TMED3: variants seen among roughly 807,000 people sequenced by gnomAD.
The protein encoded by TMED3 is transmembrane emp24 domain-containing protein 3.
In TMED3, 9 loss-of-function variants were observed where a neutral mutation model predicts 15.0. The ratio of observed to expected loss-of-function variants is 0.60; its 90% CI spans 0.36 to 1.04. The LOEUF is 1.04. TMED3 is among the 50% of genes least tolerant of loss of function. The probability of loss-of-function intolerance (pLI) is 0.01; values close to 1 mark genes in which losing one functional copy is unlikely to be tolerated. For missense variants in TMED3, 267 were observed against 278.9 expected (o/e 0.96, Z 0.30); for synonymous variants, 117 against 121.4 (o/e 0.96, Z 0.24).
Position 79,322,140 on chromosome 15 carries a change from A to G in TMED3, c.580A>G (p.Ser194Gly). ...VGETIALFVVSFSQVLLLKSF... is the reference protein window; with the variant it reads ...VGETIALFVVGFSQVLLLKSF... ...CGAGACGATTGCCCTGTTCGTGGTC[A>G]GCTTCAGTCAGGTGCTACTGTTGAA... Residue 194 changes from serine (S) to glycine (G), a missense_variant, in exon 3 of 3, where the codon AGC becomes GGC. Ser to Gly is a moderately conservative substitution (Grantham distance 56). This residue lies in a region of TMED3 where 139 missense variants were observed against 125.0 expected (regional missense o/e 1.11). Coordinates refer to ENST00000299705, the MANE Select transcript of TMED3 (RefSeq NM_007364.4). The G allele has an allele frequency of 6.2e-7, 1 of 1,614,196 alleles. No homozygotes were observed. The highest frequency in any genetic ancestry group is 8.5e-7 in the Non-Finnish European group (1 of 1,180,036).
intron 2 of TMED3, among the ~76,000 whole-genome samples, chr15:79,318,429 A>T (rs899421332): frequency 2.0e-5 from 3 of 152,188 alleles, no homozygotes; most frequent in African/African-American, 7.2e-5. Context: ...GAGCTATTCA[A>T]ACTCAGCCAT....
intron 2 of TMED3, chr15:79,314,709 G>C: frequency 5.5e-6 from 2 of 365,598 alleles, no homozygotes; most frequent in Non-Finnish European, 1.1e-5. Flanking sequence ...GGCAAGTAGA[G>C]CCTTAGCAAC....
At chr15:79,357,142 C>T (rs991237681) in intron 2 of TMED3, among the ~76,000 whole-genome samples, 1 of 151,998 alleles carries the variant, frequency 6.6e-6, no homozygotes, top group African/African-American at 2.4e-5. Context: ...GCTAATACTT[C>T]TGGAGAAGAG....
intron 1 of TMED3, among the ~76,000 whole-genome samples, chr15:79,313,104 C>A (rs961829504): frequency 2.6e-5 from 4 of 152,144 alleles, no homozygotes; most frequent in African/African-American, 9.7e-5. Flanking sequence ...AAAGACATAT[C>A]CTCAGAGAAT....
chr15:79,380,665 GT>G lies in TMED3; in HGVS notation c.418-30734del, dbSNP rs201091352. On this transcript the variant is annotated intron_variant, in intron 2 of 2. Coordinates refer to the TMED3 transcript ENST00000424155. ...GTTTTCAGAGGACTCTCCCTCAAGA[GT>G]GCTGCTCTACTTGGCAATATTTGGG... 9.6e-3 allele frequency among the ~76,000 whole-genome samples: 1,456 copies of G among 151,454 alleles called. 19 individuals are homozygous for G. The highest frequency in any genetic ancestry group is 0.034 in the African/African-American group (1,392 of 41,232).
intron 2 of TMED3, among the ~76,000 whole-genome samples, chr15:79,403,254 T>A (rs932826442): frequency 1.4e-5 from 2 of 144,224 alleles, no homozygotes; most frequent in African/African-American, 5.2e-5. Flanking sequence ...AAAAAAGACT[T>A]GATTTGATAC....
At chr15:79,353,086 A>AAT (rs2058899607) in intron 2 of TMED3, among the ~76,000 whole-genome samples, 2 of 103,928 alleles carry the variant, frequency 1.9e-5, no homozygotes, top group Non-Finnish European at 3.5e-5. Flanking sequence ...TTATATATAA[A>AAT]ATATAAATGT....
intron 2 of TMED3, among the ~76,000 whole-genome samples, chr15:79,396,571 T>C (rs534876906): frequency 1.3e-5 from 2 of 152,336 alleles, no homozygotes; most frequent in South Asian, 4.1e-4. Flanking sequence ...CCCTCTGGGC[T>C]CCAGTGTAAG....
chr15:79,353,909 A>G (rs2058908259), intron 2 of TMED3, among the ~76,000 whole-genome samples: 1 of 152,150 alleles, frequency 6.6e-6, no homozygotes, highest in Non-Finnish European at 1.5e-5. Flanking sequence ...GGGAGAACCA[A>G]GTGACCCCAG....
rs868656321 is a variant in TMED3 at position 79,357,337 on chromosome 15, T to A, written c.417+43332T>A. On this transcript the variant is annotated intron_variant, in intron 2 of 2. Coordinates refer to the TMED3 transcript ENST00000424155. ...CCCATTTCTACAGAAAAAAAAAAAA[T>A]TGCCAAGCATGGCAGTGCATGCCTG... 2.0e-3 allele frequency among the ~76,000 whole-genome samples: 294 copies of A among 148,096 alleles called. 4 individuals are homozygous for A. The highest frequency in any genetic ancestry group is 6.9e-3 in the African/African-American group (277 of 40,244).
chr15:79,397,087 T>G (rs1893772069), intron 2 of TMED3, among the ~76,000 whole-genome samples: 1 of 152,210 alleles, frequency 6.6e-6, no homozygotes. Context: ...TGGTCAGGTT[T>G]TAAAACCATG....
chr15:79,311,161 C>CCT lies in TMED3; in HGVS notation c.-87_-86dup. 7.1e-7 allele frequency: 1 copy of CCT among 1,408,576 alleles called. No individual in the cohort carries two copies. The highest frequency in any genetic ancestry group is 1.4e-5 in the South Asian group (1 of 71,320). The allele number at this position is 1,408,576 out of a possible 1,614,324, so 87.3% of individuals were successfully genotyped here. ...TGGTGCCACGTCTATCCCCTTACAT[C>CCT]CTCCTAGGACCCGGTCGGTAGTCGT... On this transcript the variant is annotated 5_prime_UTR_variant, in exon 1 of 3. Coordinates refer to ENST00000299705, the MANE Select transcript of TMED3 (RefSeq NM_007364.4).
chr15:79,346,517 C>T (rs1328400130), intron 2 of TMED3, among the ~76,000 whole-genome samples: 3 of 152,190 alleles, frequency 2.0e-5, no homozygotes, highest in Non-Finnish European at 4.4e-5. Flanking sequence ...TCACCTTCCA[C>T]CATGATTGTG....
chr15:79,350,636 G>C (rs1041573355), intron 2 of TMED3, among the ~76,000 whole-genome samples: 8 of 152,082 alleles, frequency 5.3e-5, no homozygotes, highest in Non-Finnish European at 1.2e-4. Flanking sequence ...GTTGAGGGTG[G>C]GTCTGCCTGT....
intron 2 of TMED3, among the ~76,000 whole-genome samples, chr15:79,361,923 A>C (rs12593468): frequency 0.26 from 40,095 of 152,020 alleles, 6,665 homozygotes; most frequent in Middle Eastern, 0.47. Flanking sequence ...TTGAACAGTA[A>C]AATAAAAGAT....
At chr15:79,358,138 CG>C (rs1236874412) in intron 2 of TMED3, among the ~76,000 whole-genome samples, 1 of 152,194 alleles carries the variant, frequency 6.6e-6, no homozygotes, top group African/African-American at 2.4e-5. Flanking sequence ...CAGTCCTACT[CG>C]TTGTCTTCCA....
intron 2 of TMED3, among the ~76,000 whole-genome samples, chr15:79,344,882 A>G (rs2058863879): frequency 6.6e-6 from 1 of 152,196 alleles, no homozygotes; most frequent in African/African-American, 2.4e-5. Context: ...TAGGAGTTTA[A>G]CTTTAAAGCT....
intron 2 of TMED3, among the ~76,000 whole-genome samples, chr15:79,391,951 T>C (rs899755564): frequency 6.6e-6 from 1 of 152,212 alleles, no homozygotes; most frequent in African/African-American, 2.4e-5. Context: ...TTTCCACCCT[T>C]TCAGTTTAAG....
intron 2 of TMED3, among the ~76,000 whole-genome samples, chr15:79,357,960 A>G (rs1397552510): frequency 6.6e-6 from 1 of 152,154 alleles, no homozygotes; most frequent in Non-Finnish European, 1.5e-5. Context: ...TTCTGTATCA[A>G]CATCCTTCTT....
Sources: allele counts gnomAD v4.1 joint callset (sites outside exome capture counted in the v4.1 genomes callset), GRCh38; gene constraint gnomAD v4.1.1; regional missense constraint gnomAD v4.1.1; transcripts MANE v1.5; gene names NCBI Gene and HGNC (gene_info 2026-07-23, HGNC 2026-07-21).